The following FNBP1 variants were observed in gnomAD, a reference collection of about 807,000 sequenced individuals.
FNBP1 encodes formin-binding protein 1.
FNBP1 carries 26 observed loss-of-function variants against 90.6 expected under a neutral mutation model. The observed-to-expected ratio is 0.29, with a 90% confidence interval of 0.21 to 0.40. The LOEUF is 0.40. Ranked by LOEUF, FNBP1 falls within the 10% of genes least tolerant of loss-of-function variation. FNBP1 has a pLI of 1.00. For synonymous variants in FNBP1, 260 were observed against 265.2 expected (o/e 0.98, Z 0.19); for missense variants, 635 against 768.0 (o/e 0.83, Z 2.05).
At position 129,966,732 on chromosome 9, in the gene FNBP1, AAACAAC is replaced by A. The variant is rs550427768; in HGVS notation, c.346-8185_346-8180del. Among the ~76,000 whole-genome samples the A allele has an allele frequency of 7.5e-4, 113 of 151,244 alleles. No homozygotes were observed. Among genetic ancestry groups the A allele is most frequent in the Middle Eastern group, 3.4e-3 (1 of 292 alleles). ...TGGGTGATGGAGCGAGACTCCGTCT[AAACAAC>A]AACAACAACAACAACAACAACAACA... On this transcript the variant is annotated intron_variant, in intron 4 of 16. Coordinates refer to ENST00000446176, the MANE Select transcript of FNBP1 (RefSeq NM_015033.3). The surrounding 1 kb of genome is among the most constrained non-coding windows in gnomAD (Gnocchi z 4.3).
At chr9:130,009,819 A>T (rs1333779742) in intron 1 of FNBP1, among the ~76,000 whole-genome samples, 1 of 152,038 alleles carries the variant, frequency 6.6e-6, no homozygotes, top group Non-Finnish European at 1.5e-5. Flanking sequence ...AACAAAAAAC[A>T]AAAATTAGCC....
At chr9:129,941,826 T>A (rs548588682) in intron 6 of FNBP1, among the ~76,000 whole-genome samples, 1 of 151,958 alleles carries the variant, frequency 6.6e-6, no homozygotes, top group Non-Finnish European at 1.5e-5. Flanking sequence ...ATCCCAACAC[T>A]TTGGGAGGCT....
intron 1 of FNBP1, among the ~76,000 whole-genome samples, chr9:130,012,239 T>C (rs551001928): frequency 6.6e-6 from 1 of 152,218 alleles, no homozygotes; most frequent in East Asian, 1.9e-4. Flanking sequence ...GAAGCAAGTA[T>C]TTAACTTCTG....
intron 4 of FNBP1, among the ~76,000 whole-genome samples, chr9:129,970,507 A>G (rs1246794530): frequency 6.6e-6 from 1 of 152,220 alleles, no homozygotes; most frequent in Non-Finnish European, 1.5e-5. Context: ...CGCCCAGCCA[A>G]TATTCTTAAA....
Position 130,031,122 on chromosome 9 carries a change from G to T in FNBP1, c.24+11830C>A, listed in dbSNP as rs1479944446. Among the ~76,000 whole-genome samples, 1 of 152,114 alleles carries T rather than the reference G, an allele frequency of 6.6e-6. No individual in the cohort carries two copies. The highest frequency in any genetic ancestry group is 1.5e-5 in the Non-Finnish European group (1 of 68,014). On this transcript the variant is annotated intron_variant, in intron 1 of 16. Transcript: ENST00000446176. The surrounding 1 kb of genome is among the most constrained non-coding windows in gnomAD (Gnocchi z 4.2). ...CTAGGCCTTCCCTTGAATGTCCAAGGCTCCCCAGCAATCCATTTTAGCCTT... is the reference window on the plus strand; with the variant it reads ...CTAGGCCTTCCCTTGAATGTCCAAGTCTCCCCAGCAATCCATTTTAGCCTT...
chr9:129,963,113 A>G (rs549026379), intron 4 of FNBP1, among the ~76,000 whole-genome samples: 10 of 152,264 alleles, frequency 6.6e-5, no homozygotes, highest in Admixed American at 2.6e-4. Flanking sequence ...AAAAAGAGAA[A>G]ACCCCAGCAC....
At chr9:130,001,805 C>T (rs2054894008) in intron 1 of FNBP1, among the ~76,000 whole-genome samples, 1 of 151,960 alleles carries the variant, frequency 6.6e-6, no homozygotes, top group Admixed American at 6.6e-5. Flanking sequence ...AGGCAGATCA[C>T]CTGAGGTCAG....
intron 16 of FNBP1, among the ~76,000 whole-genome samples, chr9:129,891,119 C>A (rs2035059733): frequency 6.7e-6 from 1 of 148,548 alleles, no homozygotes; most frequent in African/African-American, 2.5e-5. Context: ...CGGGCCACTG[C>A]ACTCCAGCCT....
chr9:130,030,553 CT>C (rs796304875), intron 1 of FNBP1, among the ~76,000 whole-genome samples: 6 of 152,226 alleles, frequency 3.9e-5, no homozygotes, highest in African/African-American at 1.4e-4. Context: ...TCTATTCTAA[CT>C]GTAACGTAGA....
At chr9:129,965,668 C>T (rs1015276883) in intron 4 of FNBP1, among the ~76,000 whole-genome samples, 1 of 149,420 alleles carries the variant, frequency 6.7e-6, no homozygotes, top group African/African-American at 2.5e-5. Context: ...CATGGTGAAA[C>T]CCCATCTCTC....
At chr9:130,037,040 A>G in intron 1 of FNBP1, among the ~76,000 whole-genome samples, 1 of 115,498 alleles carries the variant, frequency 8.7e-6, no homozygotes, top group African/African-American at 3.1e-5. Flanking sequence ...GCGAGACTCC[A>G]TCTCAAAAAA....
intron 1 of FNBP1, among the ~76,000 whole-genome samples, chr9:129,995,716 A>C (rs1014505185): frequency 6.6e-6 from 1 of 152,358 alleles, no homozygotes; most frequent in East Asian, 1.9e-4. Context: ...GCAACAGCTA[A>C]TGCAAAGACA....
intron 1 of FNBP1, among the ~76,000 whole-genome samples, chr9:130,024,752 G>C (rs2058175830): frequency 6.6e-6 from 1 of 152,152 alleles, no homozygotes; most frequent in South Asian, 2.1e-4. Context: ...TCAGGTGGTT[G>C]AATCTTTTTG....
chr9:129,987,543 A>G lies in FNBP1; in HGVS notation c.140+7300T>C, dbSNP rs370356108. ...CATAATCTTTTTGATAAATTTTACCAAAGTTTAATATTTATTTTTTTGAGA... is the reference window on the plus strand; with the variant it reads ...CATAATCTTTTTGATAAATTTTACCGAAGTTTAATATTTATTTTTTTGAGA... On this transcript the variant is annotated intron_variant, in intron 2 of 16. Transcript: ENST00000446176. 3.6e-4 allele frequency among the ~76,000 whole-genome samples: 54 copies of G among 152,058 alleles called. 1 individual carries two copies. Among genetic ancestry groups the G allele is most frequent in the Middle Eastern group, 3.4e-3 (1 of 294 alleles).
rs886741906 is a variant in FNBP1, at chr9:129,888,006, A to G, written c.*2533T>C. 61 of 232,660 alleles carry G rather than the reference A, an allele frequency of 2.6e-4. 1 individual carries two copies. Among genetic ancestry groups the G allele is most frequent in the African/African-American group, 1.3e-3 (60 of 45,458 alleles). 14.4% of individuals were successfully genotyped at this position (232,660 alleles called of 1,614,324 possible). On this transcript the variant is annotated 3_prime_UTR_variant, in exon 17 of 17. Coordinates refer to ENST00000446176, the MANE Select transcript of FNBP1 (RefSeq NM_015033.3). Reference sequence around the variant, plus strand: ...CGGCTGGGGCAGCAGTGAGCTTTTCATGGAGCCACGCAGACTGGCCCGGAA... The same window carrying G: ...CGGCTGGGGCAGCAGTGAGCTTTTCGTGGAGCCACGCAGACTGGCCCGGAA...
chr9:129,926,603 TTGGCCGGGTGCAGTGGTTC>T (rs1303237175), intron 8 of FNBP1, among the ~76,000 whole-genome samples: 2 of 152,004 alleles, frequency 1.3e-5, no homozygotes, highest in African/African-American at 4.8e-5. Context: ...GAACCCTGTT[TTGGCCGGGTGCAGTGGTTC>T]ACACCTGTAA....
At chr9:130,027,093 T>C (rs540030968) in intron 1 of FNBP1, among the ~76,000 whole-genome samples, 7 of 152,002 alleles carry the variant, frequency 4.6e-5, no homozygotes, top group Admixed American at 2.0e-4. Flanking sequence ...GGCAAAACCA[T>C]ATCTTACTAA....
chr9:129,905,906 T>C (rs914126471), intron 12 of FNBP1, among the ~76,000 whole-genome samples: 1 of 151,094 alleles, frequency 6.6e-6, no homozygotes, highest in African/African-American at 2.4e-5. Flanking sequence ...TTTTTGAGAC[T>C]GAGTTTTGCT....
At chr9:129,919,526 A>G (rs112759462) in intron 10 of FNBP1, among the ~76,000 whole-genome samples, 1,936 of 152,366 alleles carry the variant, frequency 0.013, 16 homozygotes, top group Middle Eastern at 0.024. Flanking sequence ...TTCAACTTAC[A>G]TAAAAATGAA....
Sources: allele counts gnomAD v4.1 joint callset (sites outside exome capture counted in the v4.1 genomes callset), GRCh38; gene constraint gnomAD v4.1.1; non-coding constraint Gnocchi (gnomAD v3.1); transcripts MANE v1.5; gene names NCBI Gene and HGNC (gene_info 2026-07-23, HGNC 2026-07-21).